VSTM2A: variants seen among roughly 807,000 people sequenced by gnomAD.
VSTM2A encodes the protein V-set and transmembrane domain containing 2A, also known as V-set and transmembrane domain-containing protein 2A.
VSTM2A carries 13 observed loss-of-function variants against 27.3 expected under a neutral mutation model. That is an observed-to-expected ratio of 0.48 (90% CI 0.31 to 0.76). VSTM2A has a LOEUF of 0.76. Ranked by LOEUF, VSTM2A falls within the 30% of genes least tolerant of loss-of-function variation. The pLI is 0.05. For missense variants in VSTM2A, 280 were observed against 310.0 expected, an observed-to-expected ratio of 0.90 and a Z score of 0.73; for synonymous variants, 142 against 125.7, an observed-to-expected ratio of 1.13 and a Z score of -0.87.
chr7:54,563,602 G>C lies in VSTM2A; in HGVS notation c.635-5529G>C, dbSNP rs528474257. ...GAAAGGTCTGACAGCTGCAGAGCAG[G>C]GTTCTAAGCAACAAGAGAGAACAGT... On this transcript the variant is annotated intron_variant, in intron 4 of 4. Transcript: ENST00000402613. 2.0e-5 allele frequency among the ~76,000 whole-genome samples: 3 copies of C among 152,196 alleles called. No individual in the cohort carries two copies. In the East Asian group the frequency reaches 5.8e-4, roughly 30 times the overall value.
At chr7:54,554,604 G>A (rs530553820) in intron 4 of VSTM2A, among the ~76,000 whole-genome samples, 38 of 152,326 alleles carry the variant, frequency 2.5e-4, no homozygotes, top group African/African-American at 8.7e-4. Context: ...AATAAAGTAT[G>A]AAGAAGTGAG....
intron 2 of VSTM2A, among the ~76,000 whole-genome samples, chr7:54,545,230 A>G (rs547505533): frequency 4.6e-5 from 7 of 151,540 alleles, no homozygotes; most frequent in African/African-American, 1.7e-4. Flanking sequence ...CTGAACAACC[A>G]GAGAACCAGG....
chr7:54,565,466 G>A (rs1356824691), intron 4 of VSTM2A, among the ~76,000 whole-genome samples: 1 of 152,200 alleles, frequency 6.6e-6, no homozygotes, highest in Non-Finnish European at 1.5e-5. Flanking sequence ...TGCAGATGCA[G>A]GGAAAAAATG....
chr7:54,567,129 A>G (rs532863205), intron 4 of VSTM2A, among the ~76,000 whole-genome samples: 3 of 152,314 alleles, frequency 2.0e-5, no homozygotes, highest in East Asian at 3.9e-4. Flanking sequence ...GAGAAACACA[A>G]TCAGTGATTT....
chr7:54,548,767 A>G (rs528203211), intron 3 of VSTM2A, among the ~76,000 whole-genome samples: 1 of 152,234 alleles, frequency 6.6e-6, no homozygotes, highest in East Asian at 1.9e-4. Flanking sequence ...TTATTTGTAT[A>G]TATACCTCTA....
chr7:54,562,260 T>A (rs757401088), intron 4 of VSTM2A, among the ~76,000 whole-genome samples: 1 of 152,354 alleles, frequency 6.6e-6, no homozygotes, highest in South Asian at 2.1e-4. Flanking sequence ...TATATCTTTA[T>A]TTTTCAATTT....
At chr7:54,566,065 G>A (rs541524378) in intron 4 of VSTM2A, among the ~76,000 whole-genome samples, 1 of 152,110 alleles carries the variant, frequency 6.6e-6, no homozygotes, top group Admixed American at 6.5e-5. Context: ...ACAAAGACGG[G>A]GGAATTACAG....
At chr7:54,563,137 T>C (rs1233194597) in intron 4 of VSTM2A, among the ~76,000 whole-genome samples, 1 of 152,200 alleles carries the variant, frequency 6.6e-6, no homozygotes, top group Non-Finnish European at 1.5e-5. Context: ...AAGCCATTCA[T>C]ATCTCTATAT....
chr7:54,544,831 G>A lies in VSTM2A; in HGVS notation c.246+43G>A, dbSNP rs553830981. 18 of 1,541,968 alleles carry A rather than the reference G, an allele frequency of 1.2e-5. No individual in the cohort carries two copies. The African/African-American group carries it at 1.6e-4, about 14-fold the overall frequency. ...CCCCGCGTCTCCCCTTCGCTCGCCC[G>A]GTCCTCAGGGTGTCCGGCCCGGGGC... On this transcript the variant is annotated intron_variant, in intron 2 of 4. Coordinates refer to ENST00000402613, the MANE Select transcript of VSTM2A (RefSeq NM_001301009.2).
chr7:54,542,740 A>T lies in VSTM2A; in HGVS notation c.10A>T (p.Ile4Phe). Residue 4 changes from isoleucine (I) to phenylalanine (F), a missense_variant, in exon 1 of 5, where the codon ATC becomes TTC. By Grantham distance (21) the Ile-to-Phe change is conservative (BLOSUM62 0). Coordinates refer to ENST00000402613, the MANE Select transcript of VSTM2A (RefSeq NM_001301009.2). ...CCCCTCCCTTTTTGGAATGATGGGG[A>T]TCTTTTTGGTGTATGTTGGATTTGT... Reference protein sequence around the residue: MMGIFLVYVGFVFF... With the variant: MMGFFLVYVGFVFF... The T allele has an allele frequency of 2.5e-6, 4 of 1,613,514 alleles. No individual in the cohort carries two copies. Among genetic ancestry groups the T allele is most frequent in the Non-Finnish European group, 3.4e-6 (4 of 1,179,626 alleles).
Position 54,544,618 on chromosome 7 carries a change from G to A in VSTM2A, c.80-4G>A. The A allele has an allele frequency of 6.2e-7, 1 of 1,612,870 alleles. No individual in the cohort carries two copies. Among genetic ancestry groups the A allele is most frequent in the Non-Finnish European group, 8.5e-7 (1 of 1,179,850 alleles). On this transcript the variant is annotated splice_region_variant and splice_polypyrimidine_tract_variant and intron_variant, in intron 1 of 4. Transcript: ENST00000402613. ...TTCCAACAGGATGCCTTTCTGTTTT[G>A]CAGCAAAATTTACCGAGTTTCCGCG...
intron 3 of VSTM2A, among the ~76,000 whole-genome samples, chr7:54,549,103 G>A (rs1392491756): frequency 6.6e-6 from 1 of 151,532 alleles, no homozygotes; most frequent in Non-Finnish European, 1.5e-5. Flanking sequence ...AAACTTATTA[G>A]AAGAAATAAA....
At chr7:54,554,529 C>T (rs1788290613) in intron 4 of VSTM2A, among the ~76,000 whole-genome samples, 1 of 152,212 alleles carries the variant, frequency 6.6e-6, no homozygotes, top group Admixed American at 6.5e-5. Context: ...CACTTGTCTC[C>T]ATCCCATGCA....
intron 4 of VSTM2A, among the ~76,000 whole-genome samples, chr7:54,564,150 CACAG>C (rs1432341135): frequency 6.6e-6 from 1 of 152,192 alleles, no homozygotes; most frequent in Non-Finnish European, 1.5e-5. Context: ...TGGCCTTCTT[CACAG>C]ACAGAGAAGT....
chr7:54,553,266 A>G (rs2115839292), intron 4 of VSTM2A, among the ~76,000 whole-genome samples: 1 of 152,338 alleles, frequency 6.6e-6, no homozygotes, highest in Non-Finnish European at 1.5e-5. Flanking sequence ...CACTTGTAAA[A>G]TTATTTGAAT....
intron 2 of VSTM2A, 53 bp downstream of exon 2, chr7:54,544,841 G>A (rs1386681279): frequency 1.7e-5 from 26 of 1,529,944 alleles, no homozygotes; most frequent in East Asian, 2.4e-5. Flanking sequence ...GGTCCTCAGG[G>A]TGTCCGGCCC....
intron 3 of VSTM2A, among the ~76,000 whole-genome samples, chr7:54,548,763 G>A (rs1788084451): frequency 6.6e-6 from 1 of 152,096 alleles, no homozygotes; most frequent in South Asian, 2.1e-4. Context: ...GAAATTATTT[G>A]TATATATACC....
intron 2 of VSTM2A, chr7:54,546,662 C>T (rs1335274380): frequency 5.5e-6 from 2 of 360,376 alleles, no homozygotes; most frequent in African/African-American, 2.1e-5. Flanking sequence ...GCGCAGCATC[C>T]GCGCGGCAGG....
intron 3 of VSTM2A, among the ~76,000 whole-genome samples, chr7:54,549,053 A>G (rs1488861724): frequency 1.3e-5 from 2 of 150,590 alleles, no homozygotes; most frequent in Non-Finnish European, 3.0e-5. Flanking sequence ...TATATCTAAT[A>G]TATATATCAG....
Sources: gnomAD v4.1 joint callset for allele counts (sites outside exome capture counted in the v4.1 genomes callset) on GRCh38, gnomAD v4.1.1 for gene constraint, MANE v1.5 for transcripts, NCBI Gene and HGNC (gene_info 2026-07-23, HGNC 2026-07-21) for gene names.